PLA2G2C: variants seen among roughly 807,000 people sequenced by gnomAD.
PLA2G2C encodes the protein putative inactive group IIC secretory phospholipase A2.
PLA2G2C carries 15 observed loss-of-function variants against 14.3 expected under a neutral mutation model. That is an observed-to-expected ratio of 1.05 (90% CI 0.70 to 1.62). PLA2G2C has a LOEUF of 1.62. Ranked by LOEUF, PLA2G2C falls within the 40% of genes most tolerant of loss-of-function variation. The pLI is 0.00. For synonymous variants in PLA2G2C, 79 were observed against 67.7 expected (o/e 1.17, Z -0.82); for missense variants, 162 against 173.2 (o/e 0.94, Z 0.36).
rs1003492632 is a variant in PLA2G2C, at chr1:20,163,199, T to C, written c.*792A>G. The C allele has an allele frequency of 6.6e-6, 1 of 152,244 alleles. No homozygotes were observed. Among genetic ancestry groups the C allele is most frequent in the African/African-American group, 2.4e-5 (1 of 41,460 alleles). The allele number at this position is 152,244 out of a possible 1,614,324, so 9.4% of individuals were successfully genotyped here. On this transcript the variant is annotated 3_prime_UTR_variant, in exon 5 of 5. Transcript: ENST00000679259. ...ACAAGCTGAGTCTCGCTGAGCTCTC[T>C]CTCACGTGTCTGAAATCAGCTGAGA...
At chr1:20,179,286 G>T (rs1460147622) in intron 1 of PLA2G2C, among the ~76,000 whole-genome samples, 1 of 151,896 alleles carries the variant, frequency 6.6e-6, no homozygotes, top group African/African-American at 2.4e-5. Context: ...GTTTCTGTGT[G>T]TGTGTGTGCG....
At chr1:20,179,735 A>AGTGTGTGT (rs3035013) in intron 1 of PLA2G2C, among the ~76,000 whole-genome samples, 115 of 111,570 alleles carry the variant, frequency 1.0e-3, no homozygotes, top group African/African-American at 3.7e-3. Flanking sequence ...CCTCTATGTC[A>AGTGTGTGT]GTGTGTGTGT....
intron 1 of PLA2G2C, among the ~76,000 whole-genome samples, chr1:20,181,380 G>A (rs983030714): frequency 6.6e-6 from 1 of 152,046 alleles, no homozygotes; most frequent in Non-Finnish European, 1.5e-5. Context: ...GAATCCTCCC[G>A]ATGAGGCATA....
chr1:20,165,042 C>T (rs534533671), intron 4 of PLA2G2C, among the ~76,000 whole-genome samples: 4 of 152,340 alleles, frequency 2.6e-5, no homozygotes, highest in East Asian at 3.9e-4. Flanking sequence ...TGAATCCTTC[C>T]GTGGCCTCCG....
In PLA2G2C at chr1:20,172,883, G is replaced by A. The variant is rs374296833; in HGVS notation, c.194C>T (p.Ser65Phe). The A allele has an allele frequency of 2.1e-5, 34 of 1,613,650 alleles. No individual in the cohort carries two copies. Among genetic ancestry groups the A allele is most frequent in the Non-Finnish European group, 2.9e-5 (34 of 1,179,786 alleles). ...CTTCAGCTTCTCGTAGGGAGAGGGA[G>A]ATGAGGGGCTGTGCCTGGAAGTGGG... The part of the protein sequence containing the change: ...VDDTDRHSPS[S>F]PSPYEKLKEF... Residue 65 changes from serine (S) to phenylalanine (F), a missense_variant, in exon 4 of 5, where the codon TCT becomes TTT. By Grantham distance (155) the Ser-to-Phe change is radical (BLOSUM62 -2). Transcript: ENST00000679259.
intron 4 of PLA2G2C, among the ~76,000 whole-genome samples, chr1:20,170,438 G>A (rs1041066479): frequency 6.6e-6 from 1 of 152,226 alleles, no homozygotes; most frequent in African/African-American, 2.4e-5. Context: ...AATGCCAGAA[G>A]AGCAGGGACT....
chr1:20,172,970 C>A, intron 3 of PLA2G2C, 73 bp from the exon 4 acceptor site: 3 of 1,100,350 alleles, frequency 2.7e-6, no homozygotes, highest in South Asian at 1.3e-5. Context: ...CTGCCTCCTC[C>A]TCTAGGCAAG....
chr1:20,180,671 C>G (rs997019374), intron 1 of PLA2G2C, among the ~76,000 whole-genome samples: 1 of 152,242 alleles, frequency 6.6e-6, no homozygotes, highest in East Asian at 1.9e-4. Context: ...ACAGCTATGA[C>G]TCAGGCATGG....
At chr1:20,168,473 G>T (rs2018013250) in intron 4 of PLA2G2C, among the ~76,000 whole-genome samples, 1 of 152,174 alleles carries the variant, frequency 6.6e-6, no homozygotes, top group South Asian at 2.1e-4. Flanking sequence ...TCTAGTCGGT[G>T]GGGGAGAGTC....
chr1:20,173,344 A>G (rs1292310473), intron 3 of PLA2G2C, among the ~76,000 whole-genome samples: 1 of 152,016 alleles, frequency 6.6e-6, no homozygotes, highest in African/African-American at 2.4e-5. Flanking sequence ...AAAAAATAAT[A>G]ATAATAACCA....
chr1:20,176,539 A>G (rs575649615), intron 2 of PLA2G2C, among the ~76,000 whole-genome samples: 56 of 152,316 alleles, frequency 3.7e-4, no homozygotes, highest in African/African-American at 1.3e-3. Flanking sequence ...GGTGTGGCGG[A>G]AGAAACCCAT....
At chr1:20,165,395 T>C (rs1249376482) in intron 4 of PLA2G2C, among the ~76,000 whole-genome samples, 1 of 152,196 alleles carries the variant, frequency 6.6e-6, no homozygotes, top group African/African-American at 2.4e-5. Flanking sequence ...ACTTCTCTTA[T>C]TGGTTTCCTG....
chr1:20,175,595 A>G (rs2018169108), intron 2 of PLA2G2C, among the ~76,000 whole-genome samples: 1 of 152,160 alleles, frequency 6.6e-6, no homozygotes, highest in Non-Finnish European at 1.5e-5. Context: ...CTCAATTATT[A>G]TTTTTTTAAA....
chr1:20,169,071 C>A (rs1270755506), intron 4 of PLA2G2C, among the ~76,000 whole-genome samples: 1 of 152,230 alleles, frequency 6.6e-6, no homozygotes, highest in Non-Finnish European at 1.5e-5. Context: ...GGGACCAGGC[C>A]TGGGTGCAGG....
At chr1:20,168,178 G>A (rs2018008272) in intron 4 of PLA2G2C, among the ~76,000 whole-genome samples, 1 of 152,208 alleles carries the variant, frequency 6.6e-6, no homozygotes, top group Admixed American at 6.5e-5. Flanking sequence ...CTGTGCTTTG[G>A]GGTGTCAGGC....
chr1:20,182,161 G>A (rs1406443933), intron 1 of PLA2G2C, among the ~76,000 whole-genome samples: 1 of 152,090 alleles, frequency 6.6e-6, no homozygotes, highest in Non-Finnish European at 1.5e-5. Flanking sequence ...AACAATACGG[G>A]GAAAATAATA....
At chr1:20,171,340 C>A (rs1395775844) in intron 4 of PLA2G2C, among the ~76,000 whole-genome samples, 7 of 152,200 alleles carry the variant, frequency 4.6e-5, no homozygotes, top group Non-Finnish European at 8.8e-5. Context: ...ACGTGGGGAA[C>A]AAAAGGGGGT....
rs1192377451 is a variant in PLA2G2C at position 20,176,260 on chromosome 1, TG to T, written c.40+1063del. Among the ~76,000 whole-genome samples the T allele has an allele frequency of 2.6e-5, 4 of 152,194 alleles. No individual in the cohort carries two copies. The East Asian group carries it at 7.7e-4, about 29-fold the overall frequency. The stretch of plus-strand genomic sequence containing the variant: ...CCTATTATGGTGTTTTGAATGTGTG[TG>T]GGTAAACGCTGTATAGAGGATGTAT... On this transcript the variant is annotated intron_variant, in intron 2 of 4. Coordinates refer to ENST00000679259, the MANE Select transcript of PLA2G2C (RefSeq NM_001367969.2).
In PLA2G2C at chr1:20,168,268, C is replaced by T. The variant is rs541210092; in HGVS notation, c.284-4111G>A. On this transcript the variant is annotated intron_variant, in intron 4 of 4. Transcript: ENST00000679259. ...ACGTGCACTGCCTATTTCATGAGTG[C>T]TTTTGTTCATCTACTCATTAAACAA... Among the ~76,000 whole-genome samples the T allele has an allele frequency of 1.2e-4, 19 of 152,330 alleles. No individual in the cohort carries two copies. The South Asian group carries it at 3.5e-3, about 28-fold the overall frequency.
Sources: gnomAD v4.1 joint callset for allele counts (sites outside exome capture counted in the v4.1 genomes callset) on GRCh38, gnomAD v4.1.1 for gene constraint, MANE v1.5 for transcripts, NCBI Gene and HGNC (gene_info 2026-07-23, HGNC 2026-07-21) for gene names.